ARAP2: variants seen among roughly 807,000 people sequenced by gnomAD.
The protein encoded by ARAP2 is arf-GAP with Rho-GAP domain, ANK repeat and PH domain-containing protein 2.
A neutral mutation model predicts 194.5 loss-of-function variants in ARAP2; 148 were observed. That is an observed-to-expected ratio of 0.76 (90% CI 0.67 to 0.87). The LOEUF is 0.87. ARAP2 is among the 40% of genes least tolerant of loss of function. ARAP2 has a pLI of 0.00. For synonymous variants in ARAP2, 695 were observed against 683.5 expected, an observed-to-expected ratio of 1.02 and a Z score of -0.26; for missense variants, 2,128 against 1,989.7, an observed-to-expected ratio of 1.07 and a Z score of -1.32.
intron 23 of ARAP2, among the ~76,000 whole-genome samples, 185 bp downstream of exon 23, chr4:36,120,994 T>G (rs1288930630): frequency 6.6e-6 from 1 of 151,728 alleles, no homozygotes; most frequent in Non-Finnish European, 1.5e-5. Context: ...GCAACCAAAT[T>G]TAAATAATGA....
intron 9 of ARAP2, among the ~76,000 whole-genome samples, chr4:36,175,388 C>T (rs80226809): frequency 0.015 from 2,223 of 152,282 alleles, 30 homozygotes; most frequent in Middle Eastern, 0.034. Context: ...CACATGTGCT[C>T]TATCACGGGA....
At chr4:36,172,653 C>G (rs1318271551) in intron 9 of ARAP2, among the ~76,000 whole-genome samples, 1 of 152,148 alleles carries the variant, frequency 6.6e-6, no homozygotes, top group African/African-American at 2.4e-5. Flanking sequence ...AAATACAAAA[C>G]TGACTCCTAA....
At chr4:36,227,728 C>T (rs147002786) in intron 2 of ARAP2, among the ~76,000 whole-genome samples, 20 of 152,264 alleles carry the variant, frequency 1.3e-4, no homozygotes, top group African/African-American at 4.8e-4. Flanking sequence ...CAAACTTGAA[C>T]AGCCTCGTGT....
intron 5 of ARAP2, among the ~76,000 whole-genome samples, chr4:36,043,371 T>C (rs1383765048): frequency 6.6e-6 from 1 of 152,188 alleles, no homozygotes; most frequent in African/African-American, 2.4e-5. Context: ...ACTTATGTAG[T>C]TTAACTAGGG....
intron 1 of ARAP2, among the ~76,000 whole-genome samples, chr4:36,242,552 C>T (rs1426428516): frequency 6.6e-6 from 1 of 152,090 alleles, no homozygotes; most frequent in East Asian, 1.9e-4. Flanking sequence ...AGTTTCAATG[C>T]GTTAAAGTTC....
At chr4:36,202,209 C>G (rs1744505888) in intron 6 of ARAP2, among the ~76,000 whole-genome samples, 1 of 151,990 alleles carries the variant, frequency 6.6e-6, no homozygotes, top group Admixed American at 6.6e-5. Flanking sequence ...TTTTATTCAG[C>G]TATTTATTTA....
intron 9 of ARAP2, among the ~76,000 whole-genome samples, chr4:36,168,937 T>C (rs1217957705): frequency 1.3e-5 from 2 of 152,216 alleles, no homozygotes; most frequent in African/African-American, 2.4e-5. Context: ...TTTCAGCCTA[T>C]TGGCACAGGG....
At chr4:36,023,736 G>A (rs1717409630) in intron 5 of ARAP2, among the ~76,000 whole-genome samples, 1 of 152,180 alleles carries the variant, frequency 6.6e-6, no homozygotes, top group South Asian at 2.1e-4. Context: ...TTCATGGGCA[G>A]AGACCTTAGA....
At chr4:36,072,238 G>C (rs1397864274) in intron 32 of ARAP2, among the ~76,000 whole-genome samples, 3 of 151,886 alleles carry the variant, frequency 2.0e-5, no homozygotes, top group Non-Finnish European at 4.4e-5. Context: ...ATCTTACAAA[G>C]AGCTTGGTTT....
Position 36,160,482 on chromosome 4 carries a change from G to C in ARAP2, c.2419C>G (p.Leu807Val). 1.3e-6 allele frequency: 2 copies of C among 1,560,190 alleles called. No individual in the cohort carries two copies. The highest frequency in any genetic ancestry group is 1.7e-6 in the Non-Finnish European group (2 of 1,159,784). The change falls in exon 13 of 33, where the codon CTC (leucine) becomes GTC (valine). Residue 807 changes from leucine to valine, a missense_variant. Coordinates refer to ENST00000303965, the MANE Select transcript of ARAP2 (RefSeq NM_015230.4). ...ACCTTATTTAATTCTTCTTTGGTGA[G>C]AGATGCCAAAAGAGTTTTTCTGAAT... is the stretch of plus-strand genomic sequence containing the variant. ...GKFRKTLLAS[L>V]TKEELNKALC...
chr4:36,062,606 A>G (rs527298097), downstream of ARAP2, among the ~76,000 whole-genome samples: 6 of 151,190 alleles, frequency 4.0e-5, no homozygotes, highest in South Asian at 8.4e-4. Flanking sequence ...TATCTATTTC[A>G]TATACCTGGC....
intron 29 of ARAP2, among the ~76,000 whole-genome samples, chr4:36,083,075 G>C (rs888139166): frequency 6.6e-6 from 1 of 152,056 alleles, no homozygotes; most frequent in Admixed American, 6.6e-5. Flanking sequence ...TGCAGAGGAA[G>C]CCATGTACTT....
intron 6 of ARAP2, among the ~76,000 whole-genome samples, chr4:36,204,861 C>T (rs973502734): frequency 2.0e-5 from 3 of 151,316 alleles, no homozygotes; most frequent in Non-Finnish European, 4.4e-5. Context: ...TGGTGGCAGG[C>T]GCCTGTAATC....
chr4:36,098,455 T>A (rs749678848), intron 27 of ARAP2, among the ~76,000 whole-genome samples: 11 of 152,054 alleles, frequency 7.2e-5, no homozygotes, highest in Non-Finnish European at 1.2e-4. Context: ...ACAGTCTCCA[T>A]GATTTTATAA....
chr4:36,065,236 G>A, downstream of ARAP2: 1 of 384,252 alleles, frequency 2.6e-6, no homozygotes, highest in Non-Finnish European at 5.5e-6. Context: ...AGGTGGAGCG[G>A]GAGAAGCAGT....
chr4:36,032,791 C>G (rs1719214318), intron 5 of ARAP2, among the ~76,000 whole-genome samples: 1 of 151,998 alleles, frequency 6.6e-6, no homozygotes, highest in African/African-American at 2.4e-5. Flanking sequence ...CACCTAGTAC[C>G]CAATAGTTAT....
chr4:36,043,468 T>C (rs1322366340), intron 5 of ARAP2, among the ~76,000 whole-genome samples: 1 of 152,168 alleles, frequency 6.6e-6, no homozygotes. Context: ...GAAGTTTAGT[T>C]AGCCAACGGT....
chr4:36,223,341 C>T (rs752549075), intron 2 of ARAP2, among the ~76,000 whole-genome samples: 2 of 152,056 alleles, frequency 1.3e-5, no homozygotes, highest in Non-Finnish European at 2.9e-5. Flanking sequence ...CTTGTTACTA[C>T]TTTCCCTATG....
exon 9 of ARAP2, chr4:36,012,721 G>A (rs1414038933): frequency 6.6e-6 from 1 of 152,174 alleles, no homozygotes; most frequent in Non-Finnish European, 1.5e-5. Context: ...TTCCCTCCGA[G>A]TAGAAAGGAG....
Sources: gnomAD v4.1 joint callset for allele counts (sites outside exome capture counted in the v4.1 genomes callset) on GRCh38, gnomAD v4.1.1 for gene constraint, MANE v1.5 for transcripts, NCBI Gene and HGNC (gene_info 2026-07-23, HGNC 2026-07-21) for gene names.